The following DLG2 variants were observed in gnomAD, a reference collection of about 807,000 sequenced individuals.
The protein encoded by DLG2 is disks large homolog 2.
DLG2 carries 45 observed loss-of-function variants against 132.5 expected under a neutral mutation model. That is an observed-to-expected ratio of 0.34 (90% CI 0.27 to 0.44). The LOEUF is 0.44. DLG2 is among the 20% of genes least tolerant of loss of function. DLG2 has a pLI of 1.00. For missense variants in DLG2, 1,045 were observed against 1,196.9 expected (o/e 0.87, Z 1.87); for synonymous variants, 424 against 419.6 (o/e 1.01, Z -0.13).
intron 6 of DLG2, among the ~76,000 whole-genome samples, chr11:84,651,356 T>C (rs1355560258): frequency 3.3e-5 from 5 of 152,150 alleles, no homozygotes; most frequent in Non-Finnish European, 7.4e-5. Context: ...TTCCTGTTGT[T>C]ATGTAGTATT....
intron 6 of DLG2, among the ~76,000 whole-genome samples, chr11:84,928,792 A>G (rs958415252): frequency 1.1e-4 from 16 of 151,312 alleles, no homozygotes; most frequent in African/African-American, 3.9e-4. Context: ...GCTTCTCAAA[A>G]ATTTCCACAA....
At chr11:83,640,458 A>C (rs2066182861) in intron 18 of DLG2, among the ~76,000 whole-genome samples, 1 of 152,204 alleles carries the variant, frequency 6.6e-6, no homozygotes, top group African/African-American at 2.4e-5. Context: ...TATTCTTAGC[A>C]GAGCATGTAA....
intron 3 of DLG2, among the ~76,000 whole-genome samples, chr11:85,550,616 C>T (rs907514632): frequency 6.6e-6 from 1 of 152,238 alleles, no homozygotes; most frequent in Non-Finnish European, 1.5e-5. Context: ...GAGGCACCCA[C>T]TGTTGCAAGT....
intron 5 of DLG2, among the ~76,000 whole-genome samples, chr11:85,143,287 G>T (rs1231596496): frequency 1.3e-5 from 2 of 151,756 alleles, no homozygotes; most frequent in Non-Finnish European, 3.0e-5. Context: ...TAGGTTGTAT[G>T]TGTCTAGAAA....
At chr11:84,947,198 C>G (rs1047426884) in intron 6 of DLG2, among the ~76,000 whole-genome samples, 1 of 152,120 alleles carries the variant, frequency 6.6e-6, no homozygotes, top group Non-Finnish European at 1.5e-5. Flanking sequence ...TAATTGCTTA[C>G]CTGATTTTTG....
intron 18 of DLG2, among the ~76,000 whole-genome samples, chr11:83,697,251 T>C (rs2082101153): frequency 6.6e-6 from 1 of 152,192 alleles, no homozygotes; most frequent in East Asian, 1.9e-4. Flanking sequence ...TGAACAATAT[T>C]AAATTTGCTA....
intron 3 of DLG2, among the ~76,000 whole-genome samples, chr11:85,415,364 G>A (rs1044684527): frequency 2.0e-5 from 3 of 152,038 alleles, no homozygotes; most frequent in Non-Finnish European, 2.9e-5. Flanking sequence ...TAATTCTTTG[G>A]GTTTATACCC....
At chr11:84,531,930 G>C (rs1461927382) in intron 7 of DLG2, among the ~76,000 whole-genome samples, 1 of 151,984 alleles carries the variant, frequency 6.6e-6, no homozygotes, top group African/African-American at 2.4e-5. Flanking sequence ...TATGAGATCT[G>C]AGCTTTAGAA....
chr11:85,209,471 A>G (rs992116312), intron 4 of DLG2, among the ~76,000 whole-genome samples: 12 of 8,520 alleles, frequency 1.4e-3, no homozygotes, highest in Admixed American at 8.3e-3. Context: ...TTTTTTTGAG[A>G]CAGAGACTTT....
intron 16 of DLG2, among the ~76,000 whole-genome samples, chr11:83,867,950 A>T (rs2062708360): frequency 6.6e-6 from 1 of 152,132 alleles, no homozygotes; most frequent in Non-Finnish European, 1.5e-5. Flanking sequence ...TGTCTTACGG[A>T]GTAAGGAAAT....
chr11:85,307,401 T>G (rs2080026319), intron 3 of DLG2, among the ~76,000 whole-genome samples: 1 of 152,226 alleles, frequency 6.6e-6, no homozygotes, highest in Non-Finnish European at 1.5e-5. Flanking sequence ...CTAAAATTGC[T>G]GCCTAGATTC....
chr11:84,031,847 TGTGTGTTCACTTCACGTC>T (rs1443192761), intron 11 of DLG2, among the ~76,000 whole-genome samples: 1 of 152,198 alleles, frequency 6.6e-6, no homozygotes, highest in African/African-American at 2.4e-5. Context: ...TTTCCAACAG[TGTGTGTTCACTTCACGTC>T]GTGTGTCACA....
intron 6 of DLG2, among the ~76,000 whole-genome samples, chr11:84,707,823 A>AT (rs1342141634): frequency 1.3e-5 from 2 of 151,870 alleles, no homozygotes; most frequent in African/African-American, 2.4e-5. Flanking sequence ...AAATATATAA[A>AT]TAAAAACTGT....
chr11:83,564,402 G>T (rs2096666584), intron 19 of DLG2, among the ~76,000 whole-genome samples: 2 of 152,132 alleles, frequency 1.3e-5, no homozygotes, highest in African/African-American at 2.4e-5. Flanking sequence ...TCGTGGCCTT[G>T]CTTAAGACAC....
At chr11:84,326,143 A>T (rs2098430583) in intron 7 of DLG2, among the ~76,000 whole-genome samples, 1 of 151,890 alleles carries the variant, frequency 6.6e-6, no homozygotes, top group South Asian at 2.1e-4. Context: ...TTTATTGGTT[A>T]ATCTAGCTAA....
At chr11:84,624,857 C>CCTTTTTTTTTTT (rs2099619652) in intron 6 of DLG2, among the ~76,000 whole-genome samples, 1 of 76,198 alleles carries the variant, frequency 1.3e-5, no homozygotes, top group Non-Finnish European at 2.2e-5. Flanking sequence ...GAGAGTCAAC[C>CCTTTTTTTTTTT]TTTTTTTTTT....
intron 11 of DLG2, among the ~76,000 whole-genome samples, chr11:84,048,946 C>T (rs1337306870): frequency 6.6e-6 from 1 of 151,630 alleles, no homozygotes; most frequent in African/African-American, 2.4e-5. Context: ...AAGAACAGTG[C>T]ATTTAATTTT....
At chr11:85,391,937 G>A (rs533513661) in intron 3 of DLG2, among the ~76,000 whole-genome samples, 23 of 152,178 alleles carry the variant, frequency 1.5e-4, no homozygotes, top group Admixed American at 1.3e-3. Flanking sequence ...GCCCTAGCCA[G>A]AGCAATGAGA....
rs375674670 is a variant in DLG2, at chr11:84,140,704, A to G, written c.624+22757T>C. ...CACAAACAAAAATAAATGTATCTCTATCTACCTACTGTTTTCATCTTTCTC... is the reference window on the plus strand; with the variant it reads ...CACAAACAAAAATAAATGTATCTCTGTCTACCTACTGTTTTCATCTTTCTC... On this transcript the variant is annotated intron_variant, in intron 9 of 27. Coordinates refer to ENST00000376104, the MANE Select transcript of DLG2 (RefSeq NM_001142699.3). Among the ~76,000 whole-genome samples, 9 of 152,264 alleles carry G rather than the reference A, an allele frequency of 5.9e-5. No homozygotes were observed. In the East Asian group the frequency reaches 1.7e-3, roughly 29 times the overall value.
Sources: allele counts gnomAD v4.1 joint callset (sites outside exome capture counted in the v4.1 genomes callset), GRCh38; gene constraint gnomAD v4.1.1; transcripts MANE v1.5; gene names NCBI Gene and HGNC (gene_info 2026-07-23, HGNC 2026-07-21).